PRKG1: variants seen among roughly 807,000 people sequenced by gnomAD.
PRKG1 encodes the protein protein kinase cGMP-dependent 1.
In PRKG1, 35 loss-of-function variants were observed where a neutral mutation model predicts 88.1. The observed-to-expected ratio is 0.40, with a 90% CI of 0.30 to 0.53. PRKG1 has a LOEUF of 0.53. Ranked by LOEUF, PRKG1 falls within the 20% of genes least tolerant of loss-of-function variation. The pLI is 0.59. For synonymous variants in PRKG1, 303 were observed against 292.5 expected (o/e 1.04, Z -0.37); for missense variants, 540 against 839.8 (o/e 0.64, Z 4.41).
intron 2 of PRKG1, among the ~76,000 whole-genome samples, chr10:51,344,092 A>C (rs1842060800): frequency 6.6e-6 from 1 of 152,224 alleles, no homozygotes; most frequent in Non-Finnish European, 1.5e-5. Context: ...TAATTTATAA[A>C]GAAAAGAGGT....
At chr10:52,150,773 G>T (rs1470098071) in intron 8 of PRKG1, among the ~76,000 whole-genome samples, 1 of 152,054 alleles carries the variant, frequency 6.6e-6, no homozygotes, top group African/African-American at 2.4e-5. Flanking sequence ...GCCATTTTAG[G>T]ATTTCACTTT....
intron 3 of PRKG1, among the ~76,000 whole-genome samples, chr10:51,468,405 C>A (rs532050565): frequency 1.3e-5 from 2 of 151,922 alleles, no homozygotes; most frequent in African/African-American, 4.8e-5. Context: ...TATTTTAAAT[C>A]AGGGCAATAA....
intron 5 of PRKG1, among the ~76,000 whole-genome samples, chr10:51,917,217 G>A (rs1257942749): frequency 6.6e-6 from 1 of 151,860 alleles, no homozygotes; most frequent in African/African-American, 2.4e-5. Context: ...TACTCAGGAG[G>A]CTGAGGGAAG....
At chr10:51,559,844 G>T (rs1837410995) in intron 3 of PRKG1, among the ~76,000 whole-genome samples, 1 of 151,902 alleles carries the variant, frequency 6.6e-6, no homozygotes, top group Admixed American at 6.6e-5. Context: ...ATCTTTCATT[G>T]CTTAATTATG....
chr10:51,043,542 C>A (rs1843451933), intron 1 of PRKG1, among the ~76,000 whole-genome samples: 1 of 152,056 alleles, frequency 6.6e-6, no homozygotes, highest in South Asian at 2.1e-4. Context: ...TACAATATGA[C>A]AATTTCTAGT....
intron 4 of PRKG1, among the ~76,000 whole-genome samples, chr10:51,829,959 A>G (rs1839963172): frequency 6.6e-6 from 1 of 152,174 alleles, no homozygotes; most frequent in Admixed American, 6.6e-5. Flanking sequence ...CAAAAACAAA[A>G]ACAAAACTCA....
At chr10:52,005,743 G>A (rs553404115) in intron 5 of PRKG1, among the ~76,000 whole-genome samples, 50 of 152,228 alleles carry the variant, frequency 3.3e-4, no homozygotes, top group African/African-American at 1.2e-3. Flanking sequence ...ATGTCAGGGT[G>A]GGCAGGTCCA....
intron 2 of PRKG1, among the ~76,000 whole-genome samples, chr10:51,278,325 G>A (rs1457353160): frequency 1.3e-5 from 2 of 152,142 alleles, no homozygotes; most frequent in South Asian, 2.1e-4. Flanking sequence ...TGTTGGATAA[G>A]CTTTTTGATG....
chr10:51,430,857 A>C (rs1588950902), intron 2 of PRKG1, among the ~76,000 whole-genome samples: 1 of 152,220 alleles, frequency 6.6e-6, no homozygotes, highest in South Asian at 2.1e-4. Context: ...CATATTATAT[A>C]ATTTTATGTA....
At chr10:51,420,402 G>T (rs192297685) in intron 2 of PRKG1, among the ~76,000 whole-genome samples, 403 of 152,178 alleles carry the variant, frequency 2.6e-3, no homozygotes, top group African/African-American at 9.4e-3. Context: ...CTTATTTCTA[G>T]CAAACTCCCA....
intron 2 of PRKG1, among the ~76,000 whole-genome samples, chr10:51,159,191 T>A (rs1243963699): frequency 6.6e-6 from 1 of 152,118 alleles, no homozygotes; most frequent in Non-Finnish European, 1.5e-5. Flanking sequence ...ACATTGACAT[T>A]CAAAGAGGGA....
chr10:51,615,869 G>A (rs1366723776), intron 3 of PRKG1, among the ~76,000 whole-genome samples: 1 of 151,800 alleles, frequency 6.6e-6, no homozygotes, highest in Non-Finnish European at 1.5e-5. Context: ...TCATTTAGTG[G>A]TGTCATATTT....
At chr10:51,144,422 T>C (rs1283374234) in intron 1 of PRKG1, among the ~76,000 whole-genome samples, 1 of 152,030 alleles carries the variant, frequency 6.6e-6, no homozygotes, top group Non-Finnish European at 1.5e-5. Flanking sequence ...GAGTCAAAAA[T>C]GAATCTTAAA....
intron 3 of PRKG1, among the ~76,000 whole-genome samples, chr10:51,640,988 T>G (rs12146344): frequency 0.03 from 4,572 of 152,200 alleles, 103 homozygotes; most frequent in South Asian, 0.071. Context: ...ACTGTCACAT[T>G]AGGCAAATAC....
intron 2 of PRKG1, among the ~76,000 whole-genome samples, chr10:51,361,830 TTA>T (rs1367225702): frequency 2.6e-5 from 4 of 152,032 alleles, no homozygotes; most frequent in African/African-American, 7.2e-5. Context: ...AAACTTATTT[TTA>T]TATGATTTCA....
At chr10:51,628,995 A>G (rs1839455894) in intron 3 of PRKG1, among the ~76,000 whole-genome samples, 2 of 151,690 alleles carry the variant, frequency 1.3e-5, no homozygotes, top group African/African-American at 2.4e-5. Flanking sequence ...ACAAAAACCA[A>G]AAAAACTGCA....
At chr10:51,983,952 AT>A (rs1844083592) in intron 5 of PRKG1, among the ~76,000 whole-genome samples, 1 of 152,242 alleles carries the variant, frequency 6.6e-6, no homozygotes, top group East Asian at 1.9e-4. Context: ...TAAAGGAAAA[AT>A]AAATTTGCCA....
chr10:51,357,876 C>T (rs188155240), intron 2 of PRKG1, among the ~76,000 whole-genome samples: 2 of 151,940 alleles, frequency 1.3e-5, no homozygotes, highest in Non-Finnish European at 2.9e-5. Flanking sequence ...AAATATAACC[C>T]ATGCTGTTTA....
chr10:51,052,647 A>G (rs1332753066), intron 1 of PRKG1, among the ~76,000 whole-genome samples: 1 of 152,206 alleles, frequency 6.6e-6, no homozygotes, highest in East Asian at 1.9e-4. Flanking sequence ...AACCACCCCA[A>G]TGGTAGAGAA....
Sources: allele counts gnomAD v4.1 joint callset (sites outside exome capture counted in the v4.1 genomes callset), GRCh38; gene constraint gnomAD v4.1.1; transcripts MANE v1.5; gene names NCBI Gene and HGNC (gene_info 2026-07-23, HGNC 2026-07-21).